The following DSCAM variants were observed in gnomAD, a reference collection of about 807,000 sequenced individuals.
The protein encoded by DSCAM is DS cell adhesion molecule.
Under a neutral mutation model 217.7 loss-of-function variants are expected in DSCAM, and 47 were observed. The observed-to-expected ratio is 0.22, with a 90% CI of 0.17 to 0.28. The LOEUF (loss-of-function observed/expected upper bound fraction) is 0.28. Ranked by LOEUF, DSCAM falls within the 10% of genes least tolerant of loss-of-function variation. DSCAM has a pLI of 1.00. For missense variants in DSCAM, 2,080 were observed against 2,618.3 expected, an observed-to-expected ratio of 0.79 and a Z score of 4.49; for synonymous variants, 1,056 against 1,015.3, an observed-to-expected ratio of 1.04 and a Z score of -0.76.
At chr21:40,192,533 C>T (rs923162762) in intron 11 of DSCAM, among the ~76,000 whole-genome samples, 6 of 152,178 alleles carry the variant, frequency 3.9e-5, no homozygotes, top group African/African-American at 9.6e-5. Context: ...CTTCCCTAGT[C>T]GCATAGGACT....
intron 4 of DSCAM, among the ~76,000 whole-genome samples, chr21:40,364,508 T>C (rs1276730986): frequency 8.6e-6 from 1 of 116,114 alleles, no homozygotes; most frequent in African/African-American, 3.1e-5. Context: ...AAGGGGAACA[T>C]CACACACCGG....
chr21:40,013,153 G>A lies in DSCAM; in HGVS notation c.5920C>T (p.Arg1974Trp), dbSNP rs756525508. 6 of 1,613,354 alleles carry A rather than the reference G, an allele frequency of 3.7e-6. No homozygotes were observed. The highest frequency in any genetic ancestry group is 3.3e-5 in the South Asian group (3 of 90,868). The change falls in exon 33 of 33, where the codon CGG (arginine) becomes TGG (tryptophan). Residue 1974 changes from arginine to tryptophan, a missense_variant. Transcript: ENST00000400454. ...QPGAVATLPQ[R>W]EGAELGQAAK... ...GCCTGTCCCAGCTCTGCTCCCTCCC[G>A]CTGAGGTAATGTGGCCACGGCCCCC...
intron 1 of DSCAM, among the ~76,000 whole-genome samples, chr21:40,808,635 T>C (rs1182222052): frequency 1.3e-5 from 2 of 151,950 alleles, no homozygotes; most frequent in Non-Finnish European, 2.9e-5. Flanking sequence ...CCACCATACC[T>C]ACCTAATTTT....
At chr21:40,720,310 T>C (rs1468132885) in intron 1 of DSCAM, among the ~76,000 whole-genome samples, 3 of 152,218 alleles carry the variant, frequency 2.0e-5, no homozygotes, top group South Asian at 4.1e-4. Context: ...AACATTTAGC[T>C]GATTCTGAGA....
chr21:40,674,626 C>CCTT (rs2090315344), intron 3 of DSCAM, among the ~76,000 whole-genome samples: 1 of 105,900 alleles, frequency 9.4e-6, no homozygotes, highest in African/African-American at 3.8e-5. Context: ...TTTTCTTTTT[C>CCTT]TTTTTCTTTT....
rs748243673 is a variant in DSCAM at position 40,338,171 on chromosome 21, C to T, written c.1713G>A (p.Gly571=). 9 of 1,614,260 alleles carry T rather than the reference C, an allele frequency of 5.6e-6. No homozygotes were observed. The highest frequency in any genetic ancestry group is 8.5e-7 in the Non-Finnish European group (1 of 1,180,044). The part of the protein sequence containing the change: ...LSDVQKEVDE[G]EYTCNVLVQP... ...GAACCAACACGTTGCACGTGTACTC[C>T]CCCTCGTCCACTTCCTTTTGCACAT... Residue 571 remains glycine (G), a synonymous_variant, in exon 8 of 33, where the codon GGG becomes GGA. Transcript: ENST00000400454.
intron 3 of DSCAM, among the ~76,000 whole-genome samples, chr21:40,485,332 T>C (rs769831317): frequency 7.0e-6 from 1 of 143,184 alleles, no homozygotes; most frequent in African/African-American, 2.6e-5. Context: ...AAGCTCCGCC[T>C]CCCAGGTTCA....
At chr21:40,663,508 A>G (rs1269737447) in intron 3 of DSCAM, among the ~76,000 whole-genome samples, 2 of 152,132 alleles carry the variant, frequency 1.3e-5, no homozygotes, top group Non-Finnish European at 2.9e-5. Flanking sequence ...TCCCTCTTAG[A>G]ATAAGAGCAC....
At position 40,093,877 on chromosome 21, in the gene DSCAM, G is replaced by GT; in HGVS notation, c.3697-4dup. 6.2e-7 allele frequency: 1 copy of GT among 1,612,144 alleles called. No homozygotes were observed. The highest frequency in any genetic ancestry group is 1.3e-5 in the African/African-American group (1 of 74,900). ...GAGGCCTCAAACTCGCTGATCACCT[G>GT]TAAAAAGAGACATAAGTGTTCCCAC... On this transcript the variant is annotated splice_polypyrimidine_tract_variant and splice_region_variant and intron_variant, in intron 20 of 32. Coordinates refer to ENST00000400454, the MANE Select transcript of DSCAM (RefSeq NM_001389.5).
intron 20 of DSCAM, among the ~76,000 whole-genome samples, chr21:40,118,922 G>C (rs2090002851): frequency 6.6e-6 from 1 of 152,160 alleles, no homozygotes. Flanking sequence ...TCCCTTTGTG[G>C]TTAAGACATG....
chr21:40,394,546 T>A (rs1303796165), intron 3 of DSCAM, among the ~76,000 whole-genome samples: 1 of 152,246 alleles, frequency 6.6e-6, no homozygotes, highest in Non-Finnish European at 1.5e-5. Flanking sequence ...CAGCTATGTC[T>A]GGGAATGCAG....
At chr21:40,456,600 G>A (rs560535395) in intron 3 of DSCAM, among the ~76,000 whole-genome samples, 22 of 152,108 alleles carry the variant, frequency 1.4e-4, no homozygotes, top group African/African-American at 2.9e-4. Context: ...GTATGCTAAC[G>A]TGTTCAAAGG....
intron 19 of DSCAM, among the ~76,000 whole-genome samples, chr21:40,129,125 G>A (rs1023226768): frequency 6.6e-6 from 1 of 152,106 alleles, no homozygotes; most frequent in East Asian, 1.9e-4. Context: ...GCAGGTGTGT[G>A]TGTGACTTGT....
chr21:40,739,450 G>C (rs1487929478), intron 1 of DSCAM, among the ~76,000 whole-genome samples: 1 of 152,218 alleles, frequency 6.6e-6, no homozygotes, highest in African/African-American at 2.4e-5. Flanking sequence ...CTAGATGCTA[G>C]AAGTCCAGGA....
chr21:40,489,783 A>AAAAT (rs2076060714), intron 3 of DSCAM, among the ~76,000 whole-genome samples: 1 of 149,512 alleles, frequency 6.7e-6, no homozygotes, highest in African/African-American at 2.4e-5. Flanking sequence ...TCAAAAAAAA[A>AAAAT]AAAAAAAAAA....
chr21:40,236,693 T>C (rs905765067), intron 11 of DSCAM, among the ~76,000 whole-genome samples: 2 of 152,188 alleles, frequency 1.3e-5, no homozygotes, highest in African/African-American at 4.8e-5. Context: ...TTAATAATAG[T>C]ACTGAAATCA....
chr21:40,574,172 T>C (rs930571600), intron 3 of DSCAM, among the ~76,000 whole-genome samples: 1 of 151,998 alleles, frequency 6.6e-6, no homozygotes, highest in African/African-American at 2.4e-5. Context: ...ACAAAAAACA[T>C]TATAAGTTTA....
chr21:40,484,233 A>G (rs1206836473), intron 3 of DSCAM, among the ~76,000 whole-genome samples: 1 of 152,236 alleles, frequency 6.6e-6, no homozygotes, highest in African/African-American at 2.4e-5. Context: ...AGAATTGTGA[A>G]AGGTGGAAGT....
At chr21:40,085,538 T>C (rs1191099762) in intron 23 of DSCAM, 64 bp downstream of exon 23, 2 of 1,357,196 alleles carry the variant, frequency 1.5e-6, no homozygotes, top group Non-Finnish European at 9.7e-7. Flanking sequence ...TGTTCAGTGC[T>C]ACTTTTTGCA....
Sources: gnomAD v4.1 joint callset for allele counts (sites outside exome capture counted in the v4.1 genomes callset) on GRCh38, gnomAD v4.1.1 for gene constraint, MANE v1.5 for transcripts, NCBI Gene and HGNC (gene_info 2026-07-23, HGNC 2026-07-21) for gene names.